The following URGCP variants were observed in gnomAD, a reference collection of about 807,000 sequenced individuals.
URGCP encodes the protein up-regulator of cell proliferation.
In URGCP, 13 loss-of-function variants were observed where a neutral mutation model predicts 24.6. The ratio of observed to expected loss-of-function variants is 0.53; its 90% CI spans 0.34 to 0.84. The LOEUF (loss-of-function observed/expected upper bound fraction) is 0.84, where lower values mean the gene tolerates loss of function less well. Ranked by LOEUF, URGCP falls within the 40% of genes least tolerant of loss-of-function variation. URGCP has a pLI of 0.01. For missense variants in URGCP, 899 were observed against 1,194.3 expected (o/e 0.75, Z 3.64); for synonymous variants, 444 against 487.2 (o/e 0.91, Z 1.17).
At chr7:43,911,341 C>T (rs1240081115), upstream of URGCP, among the ~76,000 whole-genome samples, 1 of 151,532 alleles carries the variant, frequency 6.6e-6, no homozygotes, top group Non-Finnish European at 1.5e-5. Context: ...GTGGAGGTTG[C>T]AGAGAGCTGA....
chr7:43,876,989 A>T lies in URGCP; in HGVS notation c.2474T>A (p.Val825Glu). The part of the protein sequence containing the change: ...YQFVYQNLHD[V>E]SVPGPRPRDK... Reference sequence around the variant, plus strand: ...TCTGGGCCTAGGGCCGGGAACAGATACATCATGAAGGTTCTGGTATACAAA... The same window carrying T: ...TCTGGGCCTAGGGCCGGGAACAGATTCATCATGAAGGTTCTGGTATACAAA... Residue 825 changes from valine to glutamate, a missense_variant, in exon 6 of 6, where the codon GTA becomes GAA. Physicochemically the swap from Val to Glu is moderately radical, Grantham distance 121. Transcript: ENST00000453200. The T allele has an allele frequency of 6.2e-7, 1 of 1,614,234 alleles. No individual in the cohort carries two copies. The highest frequency in any genetic ancestry group is 1.1e-5 in the South Asian group (1 of 91,092).
chr7:43,917,078 C>T (rs1250891239), intron 1 of URGCP, among the ~76,000 whole-genome samples: 2 of 152,138 alleles, frequency 1.3e-5, no homozygotes, highest in African/African-American at 2.4e-5. Context: ...ATTTCCTAAA[C>T]CTTAAACTGG....
intron 1 of URGCP, among the ~76,000 whole-genome samples, chr7:43,924,683 G>A (rs2095926561): frequency 6.6e-6 from 1 of 152,186 alleles, no homozygotes; most frequent in South Asian, 2.1e-4. Flanking sequence ...GAATGCTCTA[G>A]TCAAGGAATG....
At chr7:43,926,240 G>A (rs971899978) in exon 1 of URGCP, 1 of 191,890 alleles carries the variant, frequency 5.2e-6, no homozygotes, top group African/African-American at 2.4e-5. Context: ...TGCTCCGCGC[G>A]TCTCCGTAAA....
intron 1 of URGCP, chr7:43,919,393 T>C (rs1326986109): frequency 1.2e-6 from 1 of 853,292 alleles, no homozygotes; most frequent in Non-Finnish European, 2.1e-6. Flanking sequence ...AACCAGCTGG[T>C]GTCCACCATC....
At chr7:43,917,349 A>G (rs2132728413) in intron 1 of URGCP, among the ~76,000 whole-genome samples, 1 of 152,310 alleles carries the variant, frequency 6.6e-6, no homozygotes, top group South Asian at 2.1e-4. Flanking sequence ...TTCTGTCAGA[A>G]AGAGGGGTAC....
At chr7:43,887,913 C>T (rs756600623) in intron 1 of URGCP, 97 bp from the exon 2 acceptor site, 77 of 765,270 alleles carry the variant, frequency 1.0e-4, no homozygotes, top group Non-Finnish European at 1.2e-4. Context: ...AGTGCAATAA[C>T]GGAATTATGG....
chr7:43,883,356 A>ATTTTT lies in URGCP; in HGVS notation c.113-1400_113-1399insAAAAA, dbSNP rs1426251879. Among the ~76,000 whole-genome samples the ATTTTT allele has an allele frequency of 1.8e-4, 17 of 96,828 alleles. No homozygotes were observed. The South Asian group carries it at 3.6e-3, about 21-fold the overall frequency. The allele number at this position is 96,828 out of a possible 152,430, so 63.5% of individuals were successfully genotyped here. The stretch of plus-strand genomic sequence containing the variant: ...TATATACATATATATATATATATAT[A>ATTTTT]TATATATTTTTTTTTTTTTTTTGAG... On this transcript the variant is annotated intron_variant, in intron 3 of 5. Transcript: ENST00000453200.
chr7:43,926,524 C>T, upstream of URGCP: 1 of 1,532,252 alleles, frequency 6.5e-7, no homozygotes, highest in Non-Finnish European at 8.8e-7. Flanking sequence ...TCCCCGGCAG[C>T]GGGGTAGGAT....
At chr7:43,902,028 C>A (rs1039713616) in intron 1 of URGCP, among the ~76,000 whole-genome samples, 2 of 151,222 alleles carry the variant, frequency 1.3e-5, no homozygotes, top group African/African-American at 2.4e-5. Context: ...GGGGAAAGGA[C>A]CTGAGGAGGT....
chr7:43,893,941 A>G (rs2095874737), intron 1 of URGCP, among the ~76,000 whole-genome samples: 1 of 152,240 alleles, frequency 6.6e-6, no homozygotes, highest in Admixed American at 6.5e-5. Context: ...AGTATGCAGG[A>G]GTAGCTATAC....
intron 1 of URGCP, among the ~76,000 whole-genome samples, chr7:43,900,138 C>CT (rs1273144451): frequency 5.9e-5 from 9 of 151,496 alleles, no homozygotes; most frequent in African/African-American, 2.2e-4. Flanking sequence ...CAGCAAAACT[C>CT]TGTCTCAAAA....
upstream of URGCP, among the ~76,000 whole-genome samples, chr7:43,908,093 T>C (rs1323145804): frequency 6.6e-6 from 1 of 152,176 alleles, no homozygotes; most frequent in African/African-American, 2.4e-5. Flanking sequence ...TTTTTCTTTG[T>C]TTGTTTGAGA....
intron 1 of URGCP, among the ~76,000 whole-genome samples, chr7:43,891,487 C>T (rs556541092): frequency 2.0e-5 from 3 of 152,274 alleles, no homozygotes; most frequent in African/African-American, 4.8e-5. Flanking sequence ...AATCCTCCTG[C>T]GTAAATAAGT....
At chr7:43,911,421 C>G (rs1342370313), upstream of URGCP, among the ~76,000 whole-genome samples, 3 of 151,104 alleles carry the variant, frequency 2.0e-5, no homozygotes, top group African/African-American at 7.3e-5. Flanking sequence ...TAGGGCCAGG[C>G]GCGGTGGCTC....
At chr7:43,897,936 T>C (rs1035021893) in intron 1 of URGCP, among the ~76,000 whole-genome samples, 2 of 152,134 alleles carry the variant, frequency 1.3e-5, no homozygotes, top group Non-Finnish European at 2.9e-5. Context: ...CTGTCTCAGA[T>C]AGGGAGGTCT....
intron 1 of URGCP, among the ~76,000 whole-genome samples, chr7:43,913,042 G>A (rs1288109343): frequency 6.6e-6 from 1 of 151,926 alleles, no homozygotes; most frequent in Non-Finnish European, 1.5e-5. Context: ...GTAGAGACAG[G>A]GTTTCACCAT....
intron 1 of URGCP, among the ~76,000 whole-genome samples, chr7:43,891,873 C>T (rs2095871285): frequency 1.3e-5 from 2 of 152,168 alleles, no homozygotes; most frequent in South Asian, 4.2e-4. Context: ...ACCTACGCCC[C>T]CAGGTTCAAG....
At chr7:43,894,666 T>A (rs1282404484) in intron 1 of URGCP, among the ~76,000 whole-genome samples, 3 of 152,020 alleles carry the variant, frequency 2.0e-5, no homozygotes, top group East Asian at 1.9e-4. Flanking sequence ...GGCCAAAAAA[T>A]TTCTTAAAAA....
Sources: gnomAD v4.1 joint callset for allele counts (sites outside exome capture counted in the v4.1 genomes callset) on GRCh38, gnomAD v4.1.1 for gene constraint, MANE v1.5 for transcripts, NCBI Gene and HGNC (gene_info 2026-07-23, HGNC 2026-07-21) for gene names.